Variants in WLS observed in about 807,000 individuals in gnomAD.
The protein encoded by WLS is Wnt ligand secretion mediator.
A neutral mutation model predicts 62.8 loss-of-function variants in WLS; 23 were observed. The observed-to-expected ratio is 0.37, with a 90% confidence interval of 0.26 to 0.52. WLS has a LOEUF of 0.52. Ranked by LOEUF, WLS falls within the 20% of genes least tolerant of loss-of-function variation. The pLI is 0.92. For synonymous variants in WLS, 246 were observed against 244.1 expected (o/e 1.01, Z -0.07); for missense variants, 615 against 697.3 (o/e 0.88, Z 1.33).
intron 11 of WLS, among the ~76,000 whole-genome samples, chr1:68,100,447 G>A (rs17130464): frequency 0.027 from 4,181 of 152,272 alleles, 182 homozygotes; most frequent in African/African-American, 0.096. Context: ...TAAATCAGGT[G>A]TGAATGACCC....
chr1:68,124,251 C>T (rs1646397455), downstream of WLS, among the ~76,000 whole-genome samples: 2 of 152,156 alleles, frequency 1.3e-5, no homozygotes, highest in East Asian at 1.9e-4. Flanking sequence ...AGTGATCATT[C>T]TGATCGTATC....
intron 2 of WLS, among the ~76,000 whole-genome samples, chr1:68,170,227 A>T (rs1450260281): frequency 7.3e-6 from 1 of 136,218 alleles, no homozygotes; most frequent in African/African-American, 2.8e-5. Flanking sequence ...GTGCAATGGC[A>T]CGATCTCCGC....
intron 2 of WLS, among the ~76,000 whole-genome samples, chr1:68,176,859 C>A (rs1346853028): frequency 6.6e-6 from 1 of 152,184 alleles, no homozygotes; most frequent in African/African-American, 2.4e-5. Context: ...AGAGATTTAA[C>A]CTTGAACATC....
intron 2 of WLS, chr1:68,162,433 G>A: frequency 6.2e-7 from 1 of 1,613,860 alleles, no homozygotes; most frequent in Non-Finnish European, 8.5e-7. Flanking sequence ...CACGCCCAGG[G>A]ATCGCTCGAT....
chr1:68,186,739 G>C (rs978668782), intron 2 of WLS: 2 of 451,040 alleles, frequency 4.4e-6, no homozygotes, highest in Non-Finnish European at 8.9e-6. Context: ...GAGAAATCTA[G>C]ACCTGATGTG....
In WLS at chr1:68,150,465, G is replaced by A. The variant is rs897683668; in HGVS notation, c.804-109C>T. On this transcript the variant is annotated intron_variant, in intron 5 of 11. Transcript: ENST00000262348. ...ACATGAGATGTTACTTATTGGGTCTGAAGCCATATGATCAATTTCTTCTGC... is the reference window on the plus strand; with the variant it reads ...ACATGAGATGTTACTTATTGGGTCTAAAGCCATATGATCAATTTCTTCTGC... 40 of 1,408,524 alleles carry A rather than the reference G, an allele frequency of 2.8e-5. No individual in the cohort carries two copies. In the East Asian group the frequency reaches 9.2e-4, roughly 32 times the overall value. 87.3% of individuals were successfully genotyped at this position (1,408,524 alleles called of 1,614,324 possible).
intron 2 of WLS, chr1:68,186,457 T>C (rs1466063636): frequency 2.1e-5 from 8 of 378,042 alleles, no homozygotes; most frequent in Non-Finnish European, 4.1e-5. Context: ...TCTCTTCTCA[T>C]TGTTTGAAAT....
chr1:68,218,300 A>G (rs1649816117), intron 1 of WLS, among the ~76,000 whole-genome samples: 1 of 152,078 alleles, frequency 6.6e-6, no homozygotes, highest in Non-Finnish European at 1.5e-5. Flanking sequence ...GTTCAAAAAT[A>G]TAAATAGATA....
In WLS at chr1:68,193,940, G is replaced by T. The variant is rs749135460; in HGVS notation, c.379+15C>A. 2.5e-6 allele frequency: 4 copies of T among 1,608,854 alleles called. No homozygotes were observed. Among genetic ancestry groups the T allele is most frequent in the Non-Finnish European group, 3.4e-6 (4 of 1,176,584 alleles). On this transcript the variant is annotated intron_variant, in intron 2 of 11. Transcript: ENST00000262348. ...CTCAAAGGGAAGAAAGGGATGAGAGGAGAGTACACTTAACTGATTTGGTTG... is the reference window on the plus strand; with the variant it reads ...CTCAAAGGGAAGAAAGGGATGAGAGTAGAGTACACTTAACTGATTTGGTTG...
chr1:68,150,971 C>G (rs1646817994), intron 5 of WLS, among the ~76,000 whole-genome samples: 1 of 152,196 alleles, frequency 6.6e-6, no homozygotes. Flanking sequence ...AAGCACAGAT[C>G]ATGTACCAGG....
intron 3 of WLS, among the ~76,000 whole-genome samples, chr1:68,158,184 A>G (rs1035107936): frequency 6.6e-6 from 1 of 152,186 alleles, no homozygotes; most frequent in Non-Finnish European, 1.5e-5. Flanking sequence ...ACCCTGAGAC[A>G]TTGACTTAAT....
At chr1:68,163,405 G>A (rs1647013828) in intron 2 of WLS, among the ~76,000 whole-genome samples, 1 of 148,822 alleles carries the variant, frequency 6.7e-6, no homozygotes, top group Non-Finnish European at 1.5e-5. Context: ...CCCACCCTGC[G>A]GCGGTGGCGG....
At chr1:68,112,649 G>A (rs1239312161) in intron 11 of WLS, among the ~76,000 whole-genome samples, 2 of 152,074 alleles carry the variant, frequency 1.3e-5, no homozygotes, top group Non-Finnish European at 2.9e-5. Context: ...CAGTCTTCTG[G>A]GAAGCCCTCT....
intron 2 of WLS, among the ~76,000 whole-genome samples, chr1:68,192,389 GGAA>G (rs1648359598): frequency 6.6e-6 from 1 of 151,906 alleles, no homozygotes; most frequent in Admixed American, 6.6e-5. Context: ...GGCTAAAGTG[GGAA>G]GATTGCTTGA....
At position 68,232,493 on chromosome 1, in the gene WLS, G is replaced by T. The variant is rs1036489686; in HGVS notation, c.-194C>A. On this transcript the variant is annotated 5_prime_UTR_variant, in exon 1 of 12. Transcript: ENST00000262348. ...CGGATTCCCCCGGCGCAGCCGGCTC[G>T]GGTTCCCCCAATGCCCGGAGCTGTG... 5.7e-6 allele frequency: 7 copies of T among 1,221,538 alleles called. No homozygotes were observed. In the South Asian group the frequency reaches 1.4e-4, roughly 24 times the overall value. 75.7% of individuals were successfully genotyped at this position (1,221,538 alleles called of 1,614,324 possible).
chr1:68,140,549 G>A (rs1646670981), intron 10 of WLS, among the ~76,000 whole-genome samples: 1 of 152,148 alleles, frequency 6.6e-6, no homozygotes, highest in Non-Finnish European at 1.5e-5. Context: ...GGAATGAGAT[G>A]CCCATAGTAT....
chr1:68,133,324 G>T (rs1315358651), intron 11 of WLS, among the ~76,000 whole-genome samples: 3 of 152,280 alleles, frequency 2.0e-5, no homozygotes, highest in South Asian at 4.1e-4. Flanking sequence ...AAAGCCTGTG[G>T]CTATAAAGAA....
chr1:68,216,171 C>G (rs1220401395), intron 1 of WLS, among the ~76,000 whole-genome samples: 1 of 152,140 alleles, frequency 6.6e-6, no homozygotes, highest in East Asian at 1.9e-4. Flanking sequence ...TAAAACTACT[C>G]TTTTTTCTTG....
In WLS at chr1:68,190,509, C is replaced by T. The variant is rs7414886; in HGVS notation, c.379+3446G>A. Among the ~76,000 whole-genome samples, 1,048 of 152,340 alleles carry T rather than the reference C, an allele frequency of 6.9e-3. 6 individuals carry two copies. The highest frequency in any genetic ancestry group is 0.037 in the Middle Eastern group (11 of 294). ...CCCTCTCCAGCACTGCTCAGGCTCTCTCTTGGCTCACTATCCCTGGGGGAA... is the reference window on the plus strand; with the variant it reads ...CCCTCTCCAGCACTGCTCAGGCTCTTTCTTGGCTCACTATCCCTGGGGGAA... On this transcript the variant is annotated intron_variant, in intron 2 of 11. Transcript: ENST00000262348.
Sources: gnomAD v4.1 joint callset for allele counts (sites outside exome capture counted in the v4.1 genomes callset) on GRCh38, gnomAD v4.1.1 for gene constraint, MANE v1.5 for transcripts, NCBI Gene and HGNC (gene_info 2026-07-23, HGNC 2026-07-21) for gene names.